The following NBAS variants were observed in gnomAD, a reference collection of about 807,000 sequenced individuals.
NBAS encodes the protein NBAS subunit of NRZ tethering complex.
A neutral mutation model predicts 302.5 loss-of-function variants in NBAS; 219 were observed. The ratio of observed to expected loss-of-function variants is 0.72; its 90% CI spans 0.65 to 0.81. NBAS has a LOEUF of 0.81. NBAS is among the 30% of genes least tolerant of loss of function. The probability of loss-of-function intolerance (pLI) is 0.00; values close to 1 mark genes in which losing one functional copy is unlikely to be tolerated. For synonymous variants in NBAS, 1,118 were observed against 1,021.6 expected (o/e 1.09, Z -1.80); for missense variants, 2,932 against 2,841.6 (o/e 1.03, Z -0.72).
chr2:14,881,810 A>G, the NBAS span, among the ~76,000 whole-genome samples: 1 of 152,176 alleles, frequency 6.6e-6, no homozygotes, highest in Non-Finnish European at 1.5e-5. Context: ...GGTCTCCTAA[A>G]ATATTTACTA....
At chr2:14,899,079 C>T in the NBAS span, among the ~76,000 whole-genome samples, 1 of 152,182 alleles carries the variant, frequency 6.6e-6, no homozygotes, top group South Asian at 2.1e-4. Context: ...AGCAGGGTGG[C>T]TGGACTTCTT....
At chr2:15,343,681 T>C (rs1375779624) in intron 35 of NBAS, among the ~76,000 whole-genome samples, 2 of 151,886 alleles carry the variant, frequency 1.3e-5, no homozygotes, top group East Asian at 3.9e-4. Flanking sequence ...TCTATACTTA[T>C]TTCAAAAAAG....
the NBAS span, among the ~76,000 whole-genome samples, chr2:14,917,025 G>A: frequency 2.6e-5 from 4 of 152,138 alleles, no homozygotes; most frequent in Non-Finnish European, 5.9e-5. Context: ...AGGGTGAGAA[G>A]GCCCATGGAT....
At chr2:14,955,437 C>A in the NBAS span, among the ~76,000 whole-genome samples, 1 of 152,228 alleles carries the variant, frequency 6.6e-6, no homozygotes, top group Admixed American at 6.5e-5. Context: ...CTTCTCACAG[C>A]TCCAGCAGGC....
intron 44 of NBAS, among the ~76,000 whole-genome samples, chr2:15,268,690 G>A (rs1669184637): frequency 6.6e-6 from 1 of 152,172 alleles, no homozygotes; most frequent in African/African-American, 2.4e-5. Context: ...GCTGTCTGAA[G>A]ATTGAGTGCA....
the NBAS span, among the ~76,000 whole-genome samples, chr2:15,064,796 A>C: frequency 6.6e-6 from 1 of 152,160 alleles, no homozygotes. Context: ...CAAAACAAAA[A>C]CCCTACAGGT....
the NBAS span, among the ~76,000 whole-genome samples, chr2:15,091,721 T>C: frequency 2.0e-5 from 3 of 152,038 alleles, no homozygotes; most frequent in African/African-American, 7.2e-5. Flanking sequence ...TTAGGAGAGA[T>C]GGGGCTTCGC....
chr2:15,349,802 T>A (rs114306158), intron 35 of NBAS, among the ~76,000 whole-genome samples: 1,728 of 152,250 alleles, frequency 0.011, 16 homozygotes, highest in African/African-American at 0.032. Flanking sequence ...ATAAATAAAT[T>A]AATTAAATAC....
At chr2:15,261,895 C>A (rs1668869956) in intron 44 of NBAS, among the ~76,000 whole-genome samples, 1 of 152,150 alleles carries the variant, frequency 6.6e-6, no homozygotes, top group African/African-American at 2.4e-5. Flanking sequence ...TTATTAATAT[C>A]ATTGAAAGTA....
chr2:14,844,175 AAAG>A, the NBAS span, among the ~76,000 whole-genome samples: 1 of 152,208 alleles, frequency 6.6e-6, no homozygotes, highest in African/African-American at 2.4e-5. Flanking sequence ...AGGGAAGAGT[AAAG>A]AAGATTTTGT....
At chr2:15,229,781 TAAA>T (rs548444923) in intron 47 of NBAS, among the ~76,000 whole-genome samples, 1 of 117,422 alleles carries the variant, frequency 8.5e-6, no homozygotes. Context: ...AAACTCCACG[TAAA>T]AAAAAAAAAG....
the NBAS span, among the ~76,000 whole-genome samples, chr2:14,984,570 G>C: frequency 6.6e-6 from 1 of 152,156 alleles, no homozygotes; most frequent in African/African-American, 2.4e-5. Flanking sequence ...GGTATAGAAT[G>C]CATCTCTAGA....
chr2:15,550,596 T>TC (rs1436871773), intron 6 of NBAS, among the ~76,000 whole-genome samples: 1 of 151,554 alleles, frequency 6.6e-6, no homozygotes, highest in Non-Finnish European at 1.5e-5. Context: ...CTTTTCTTTT[T>TC]TTTTTTTTGA....
At chr2:14,873,737 G>T in the NBAS span, among the ~76,000 whole-genome samples, 1 of 146,732 alleles carries the variant, frequency 6.8e-6, no homozygotes, top group African/African-American at 2.5e-5. Context: ...ATAACCTGTA[G>T]GTCCAAAATA....
chr2:15,419,697 G>A (rs111382731), intron 23 of NBAS, among the ~76,000 whole-genome samples: 2,934 of 152,006 alleles, frequency 0.019, 51 homozygotes, highest in Middle Eastern at 0.027. Context: ...CAAAGTACAT[G>A]TACTTGGTTG....
intron 38 of NBAS, among the ~76,000 whole-genome samples, chr2:15,325,048 G>A (rs1672000347): frequency 6.6e-6 from 1 of 152,168 alleles, no homozygotes. Flanking sequence ...AATACACTGA[G>A]AAATCAGTTT....
At chr2:14,854,559 G>A in the NBAS span, among the ~76,000 whole-genome samples, 1 of 151,576 alleles carries the variant, frequency 6.6e-6, no homozygotes, top group Non-Finnish European at 1.5e-5. Flanking sequence ...AAAAAGTCCA[G>A]AAATTGCAGA....
the NBAS span, among the ~76,000 whole-genome samples, chr2:14,818,581 T>C: frequency 6.6e-6 from 1 of 152,182 alleles, no homozygotes; most frequent in East Asian, 1.9e-4. Flanking sequence ...CAGAAATTAA[T>C]AGTGAACTGA....
chr2:15,290,197 G>A (rs922781655), intron 41 of NBAS, among the ~76,000 whole-genome samples: 1 of 152,044 alleles, frequency 6.6e-6, no homozygotes, highest in Non-Finnish European at 1.5e-5. Flanking sequence ...ATGTACAAGT[G>A]AAGGTGATGC....
Sources: allele counts gnomAD v4.1 joint callset (sites outside exome capture counted in the v4.1 genomes callset), GRCh38; gene constraint gnomAD v4.1.1; transcripts MANE v1.5; gene names NCBI Gene and HGNC (gene_info 2026-07-23, HGNC 2026-07-21).